EFCAB8: variants seen among roughly 807,000 people sequenced by gnomAD.
EFCAB8 encodes the protein EF-hand calcium-binding domain-containing protein 8.
Under a neutral mutation model 116.3 loss-of-function variants are expected in EFCAB8, and 100 were observed. The ratio of observed to expected loss-of-function variants is 0.86; its 90% CI spans 0.73 to 1.02. EFCAB8 has a LOEUF of 1.02. EFCAB8 is among the 50% of genes least tolerant of loss of function. The pLI is 0.00. For synonymous variants in EFCAB8, 558 were observed against 567.9 expected (o/e 0.98, Z 0.25); for missense variants, 1,320 against 1,416.9 (o/e 0.93, Z 1.10).
At position 32,956,097 on chromosome 20, in the gene EFCAB8, G is replaced by A. The variant is rs76063829; in HGVS notation, c.2960-2324G>A. 5.3e-3 allele frequency among the ~76,000 whole-genome samples: 803 copies of A among 151,844 alleles called. 9 individuals carry two copies. Among genetic ancestry groups the A allele is most frequent in the African/African-American group, 0.018 (754 of 41,450 alleles). On this transcript the variant is annotated intron_variant, in intron 23 of 26. Coordinates refer to ENST00000400522, the MANE Select transcript of EFCAB8 (RefSeq NM_001143967.2). Reference sequence around the variant, plus strand: ...GGATTAATCAAATATTTAAAAAATTGTTGTTTTATGTCCTCTGCTCTTTAA... The same window carrying A: ...GGATTAATCAAATATTTAAAAAATTATTGTTTTATGTCCTCTGCTCTTTAA...
intron 1 of EFCAB8, among the ~76,000 whole-genome samples, chr20:32,859,314 G>A (rs1262198175): frequency 1.3e-5 from 2 of 152,166 alleles, no homozygotes; most frequent in East Asian, 3.8e-4. Flanking sequence ...AATAGATTGA[G>A]GCAGATGGAT....
At chr20:32,915,402 C>T (rs1026897127) in intron 17 of EFCAB8, among the ~76,000 whole-genome samples, 1 of 152,166 alleles carries the variant, frequency 6.6e-6, no homozygotes, top group Non-Finnish European at 1.5e-5. Context: ...AAGTTCTTTG[C>T]CATTTTGTAA....
At chr20:32,954,173 T>C (rs575877866) in intron 23 of EFCAB8, among the ~76,000 whole-genome samples, 4 of 152,356 alleles carry the variant, frequency 2.6e-5, no homozygotes, top group African/African-American at 9.6e-5. Flanking sequence ...TTGCCTGTTT[T>C]TTTAGTGTCA....
chr20:32,898,980 T>A (rs1171475669), intron 11 of EFCAB8, among the ~76,000 whole-genome samples: 2 of 152,214 alleles, frequency 1.3e-5, no homozygotes, highest in Admixed American at 6.5e-5. Flanking sequence ...GGGAATCCTC[T>A]GTGGTATGTG....
At chr20:32,907,132 G>A in intron 13 of EFCAB8, 138 bp downstream of exon 13, 6 of 1,423,854 alleles carry the variant, frequency 4.2e-6, no homozygotes, top group Non-Finnish European at 5.5e-6. Context: ...GGAGGAAGGT[G>A]AGGGTGGCCA....
intron 17 of EFCAB8, among the ~76,000 whole-genome samples, chr20:32,915,162 C>G (rs1257557345): frequency 6.6e-6 from 1 of 152,174 alleles, no homozygotes; most frequent in African/African-American, 2.4e-5. Flanking sequence ...CTTGGCCTCC[C>G]AAAGTACTGG....
chr20:32,881,630 A>T (rs761324708), intron 5 of EFCAB8, among the ~76,000 whole-genome samples: 18 of 151,976 alleles, frequency 1.2e-4, no homozygotes, highest in Non-Finnish European at 2.5e-4. Flanking sequence ...TTTTTACCCA[A>T]ACTTTTCCTC....
rs67457409 is a variant in EFCAB8, at chr20:32,908,386, A to G, written c.1420A>G (p.Asn474Asp). The G allele has an allele frequency of 0.016, 20,193 of 1,249,976 alleles. 183 individuals carry two copies. The highest frequency in any genetic ancestry group is 0.018 in the Non-Finnish European group (18,100 of 988,266). The allele number at this position is 1,249,976 out of a possible 1,614,324, so 77.4% of individuals were successfully genotyped here. A position where few individuals can be genotyped will look rare whatever the true frequency, so the allele number is the denominator to read the frequency against. ...CAGTGCCTACTTCTTCGAGAAGGACAATACCCTCATCTGCAGCACCTACTC... is the reference window on the plus strand; with the variant it reads ...CAGTGCCTACTTCTTCGAGAAGGACGATACCCTCATCTGCAGCACCTACTC... ...ITSAYFFEKD[N>D]TLICSTYSIG... The change falls in exon 14 of 27, where the codon AAT becomes GAT. Residue 474 changes from asparagine to aspartate, a missense_variant. Coordinates refer to ENST00000400522, the MANE Select transcript of EFCAB8 (RefSeq NM_001143967.2).
intron 11 of EFCAB8, among the ~76,000 whole-genome samples, chr20:32,902,926 G>A (rs554830311): frequency 8.5e-5 from 13 of 152,312 alleles, no homozygotes; most frequent in Non-Finnish European, 1.8e-4. Context: ...GACCCCCGGC[G>A]TCTCCCCGAC....
intron 23 of EFCAB8, among the ~76,000 whole-genome samples, chr20:32,949,893 G>A (rs1010592752): frequency 2.1e-4 from 32 of 152,260 alleles, no homozygotes; most frequent in African/African-American, 7.5e-4. Flanking sequence ...CCAGCTACTC[G>A]GGAGGCTGAG....
At chr20:32,923,259 G>A (rs961637137) in intron 20 of EFCAB8, among the ~76,000 whole-genome samples, 1 of 152,104 alleles carries the variant, frequency 6.6e-6, no homozygotes, top group African/African-American at 2.4e-5. Context: ...GCTGAGGTGG[G>A]CAGATTGCCT....
intron 1 of EFCAB8, among the ~76,000 whole-genome samples, chr20:32,862,281 C>T (rs751616155): frequency 2.0e-5 from 3 of 152,046 alleles, no homozygotes; most frequent in Non-Finnish European, 4.4e-5. Flanking sequence ...TAGGCATGTG[C>T]CACCACACCT....
intron 23 of EFCAB8, among the ~76,000 whole-genome samples, chr20:32,945,840 T>C (rs1264090929): frequency 6.6e-6 from 1 of 152,226 alleles, no homozygotes; most frequent in East Asian, 1.9e-4. Flanking sequence ...AATTCGCAAT[T>C]ACAGGAATCT....
At chr20:32,883,336 G>A (rs1475744341) in intron 5 of EFCAB8, among the ~76,000 whole-genome samples, 1 of 152,194 alleles carries the variant, frequency 6.6e-6, no homozygotes, top group African/African-American at 2.4e-5. Flanking sequence ...CCCAGTAGCT[G>A]TTGCCGGGAG....
At position 32,907,157 on chromosome 20, in the gene EFCAB8, T is replaced by C. The variant is rs77414778; in HGVS notation, c.1308+163T>C. ...GAGGGTGGCCATGGACCTCTGAGCATGTCCCCAGAGCTGGGTTCCCAGGTA... is the reference window on the plus strand; with the variant it reads ...GAGGGTGGCCATGGACCTCTGAGCACGTCCCCAGAGCTGGGTTCCCAGGTA... On this transcript the variant is annotated intron_variant, in intron 13 of 26. Transcript: ENST00000400522. 2,272 of 982,150 alleles carry C rather than the reference T, an allele frequency of 2.3e-3. 39 individuals carry two copies. In the African/African-American group the frequency reaches 0.035, roughly 15 times the overall value. The allele number at this position is 982,150 out of a possible 1,614,324, so 60.8% of individuals were successfully genotyped here.
At chr20:32,868,944 C>T (rs1169727950) in intron 3 of EFCAB8, among the ~76,000 whole-genome samples, 2 of 151,854 alleles carry the variant, frequency 1.3e-5, no homozygotes, top group Admixed American at 1.3e-4. Flanking sequence ...AAGGTCATGC[C>T]ACTTTACTCC....
rs879851606 is a variant in EFCAB8, at chr20:32,896,287, TCCGC to T, written c.884-166_884-163del. 4.9e-4 allele frequency among the ~76,000 whole-genome samples: 75 copies of T among 152,168 alleles called. 1 individual carries two copies. The highest frequency in any genetic ancestry group is 1.0e-3 in the Admixed American group (16 of 15,282). Reference sequence around the variant, plus strand: ...AGTCTTTTTCCTGGGGTGGGGGCACTCCGCTCAGCTCACCAGGACACAGTGAGGT... The same window carrying T: ...AGTCTTTTTCCTGGGGTGGGGGCACTTCAGCTCACCAGGACACAGTGAGGT... On this transcript the variant is annotated intron_variant, in intron 9 of 26. Coordinates refer to ENST00000400522, the MANE Select transcript of EFCAB8 (RefSeq NM_001143967.2).
Position 32,873,424 on chromosome 20 carries a change from G to A in EFCAB8, c.209-2502G>A, listed in dbSNP as rs185662066. ...TGTGATTATTAAAAAAAAAGTTGTAGACAGGGGTTATTGACCCATTTGCAG... is the reference window on the plus strand; with the variant it reads ...TGTGATTATTAAAAAAAAAGTTGTAAACAGGGGTTATTGACCCATTTGCAG... On this transcript the variant is annotated intron_variant, in intron 3 of 26. Coordinates refer to ENST00000400522, the MANE Select transcript of EFCAB8 (RefSeq NM_001143967.2). 3.4e-4 allele frequency among the ~76,000 whole-genome samples: 51 copies of A among 151,888 alleles called. No homozygotes were observed. The East Asian group carries it at 9.3e-3, about 28-fold the overall frequency.
At chr20:32,871,668 G>T (rs1984688047) in intron 3 of EFCAB8, among the ~76,000 whole-genome samples, 1 of 152,062 alleles carries the variant, frequency 6.6e-6, no homozygotes, top group African/African-American at 2.4e-5. Flanking sequence ...AGGAAAATAG[G>T]ATCATTTTTC....
Sources: gnomAD v4.1 joint callset for allele counts (sites outside exome capture counted in the v4.1 genomes callset) on GRCh38, gnomAD v4.1.1 for gene constraint, MANE v1.5 for transcripts, NCBI Gene and HGNC (gene_info 2026-07-23, HGNC 2026-07-21) for gene names.